The following SNTG2 variants were observed in gnomAD, a reference collection of about 807,000 sequenced individuals.
The protein encoded by SNTG2 is syntrophin gamma 2, also known as gamma-2-syntrophin.
In SNTG2, 74 loss-of-function variants were observed where a neutral mutation model predicts 70.9. The observed-to-expected ratio is 1.04, with a 90% CI of 0.86 to 1.27. The LOEUF (loss-of-function observed/expected upper bound fraction) is 1.27. Among genes scored for constraint, SNTG2 ranks in the 50% most tolerant of loss-of-function variants. SNTG2 has a pLI of 0.00. For missense variants in SNTG2, 717 were observed against 690.7 expected (o/e 1.04, Z -0.43); for synonymous variants, 278 against 273.8 (o/e 1.02, Z -0.15).
chr2:1,114,326 C>G (rs1458343346), intron 4 of SNTG2, among the ~76,000 whole-genome samples: 28 of 123,584 alleles, frequency 2.3e-4, no homozygotes, highest in African/African-American at 3.8e-4. Flanking sequence ...TGTGTACTAA[C>G]TGAGGTTCAA....
At chr2:1,261,376 T>C (rs1442643024) in intron 13 of SNTG2, among the ~76,000 whole-genome samples, 1 of 152,252 alleles carries the variant, frequency 6.6e-6, no homozygotes, top group Non-Finnish European at 1.5e-5. Context: ...CATTTCAAAG[T>C]ACACTCATTA....
intron 1 of SNTG2, among the ~76,000 whole-genome samples, chr2:1,080,817 G>A (rs1030130661): frequency 6.6e-6 from 1 of 152,126 alleles, no homozygotes; most frequent in Non-Finnish European, 1.5e-5. Context: ...TTCCTGGGTG[G>A]TGGCATGAGA....
intron 9 of SNTG2, among the ~76,000 whole-genome samples, chr2:1,230,467 A>G (rs928919858): frequency 7.9e-5 from 12 of 152,140 alleles, no homozygotes; most frequent in African/African-American, 2.9e-4. Context: ...GCGAAGTCCC[A>G]TTGTGATCAC....
chr2:1,154,288 C>T (rs528065298), intron 6 of SNTG2, among the ~76,000 whole-genome samples: 18 of 152,194 alleles, frequency 1.2e-4, no homozygotes, highest in African/African-American at 3.9e-4. Context: ...CTGGCACGGG[C>T]GTGGAGATGG....
chr2:1,282,568 A>G (rs1424467128), intron 14 of SNTG2, among the ~76,000 whole-genome samples: 1 of 152,222 alleles, frequency 6.6e-6, no homozygotes, highest in African/African-American at 2.4e-5. Context: ...TCTACCAAAC[A>G]GGGGAATCCA....
chr2:978,066 T>A (rs1558290067), intron 1 of SNTG2, among the ~76,000 whole-genome samples: 2 of 152,256 alleles, frequency 1.3e-5, no homozygotes, highest in South Asian at 4.1e-4. Context: ...TGTGACCCCA[T>A]TGAAGCATGG....
Position 1,227,854 on chromosome 2 carries a change from C to T in SNTG2, c.720-10034C>T, listed in dbSNP as rs138378292. Among the ~76,000 whole-genome samples the T allele has an allele frequency of 8.0e-3, 1,226 of 152,306 alleles. 6 individuals are homozygous for T. The highest frequency in any genetic ancestry group is 0.031 in the Middle Eastern group (9 of 294). On this transcript the variant is annotated intron_variant, in intron 9 of 16. Transcript: ENST00000308624. ...CTATTAAAGTTCTGCTGGGTGTAAG[C>T]GAGGGCACTTTGCTGCATTCTGTGG...
chr2:1,238,003 C>T lies in SNTG2; in HGVS notation c.835C>T (p.Leu279=). 1 of 1,610,254 alleles carries T rather than the reference C, an allele frequency of 6.2e-7. No homozygotes were observed. The highest frequency in any genetic ancestry group is 8.5e-7 in the Non-Finnish European group (1 of 1,178,600). Residue 279 remains leucine (L), a synonymous_variant, in exon 10 of 17, where the codon CTG becomes TTG. Transcript: ENST00000308624. ...GGCGGTCTCAGCCAACATCAGGGAG[C>T]TGACACTTCAGAACGTGAGCACACG... is the stretch of plus-strand genomic sequence containing the variant. ...LRAVSANIRE[L]TLQNMKMANK... is the part of the protein sequence containing the mutation.
intron 1 of SNTG2, among the ~76,000 whole-genome samples, chr2:987,864 C>T (rs58086319): frequency 0.38 from 57,564 of 151,880 alleles, 11,527 homozygotes; most frequent in Middle Eastern, 0.52. Flanking sequence ...AGGAAGGCCG[C>T]GCAGCCTTGC....
At chr2:1,320,359 C>A (rs1558205374) in intron 16 of SNTG2, among the ~76,000 whole-genome samples, 1 of 151,516 alleles carries the variant, frequency 6.6e-6, no homozygotes, top group Non-Finnish European at 1.5e-5. Flanking sequence ...ACAGTGAAAC[C>A]ATCTTTACTA....
intron 1 of SNTG2, among the ~76,000 whole-genome samples, chr2:1,053,979 C>T (rs1291369633): frequency 6.7e-6 from 1 of 148,906 alleles, no homozygotes; most frequent in Non-Finnish European, 1.5e-5. Context: ...GTTCCCTCCT[C>T]CCTCTGCAGG....
intron 1 of SNTG2, among the ~76,000 whole-genome samples, chr2:1,070,477 C>G (rs1270954838): frequency 6.6e-6 from 1 of 152,114 alleles, no homozygotes; most frequent in Non-Finnish European, 1.5e-5. Flanking sequence ...AGCAGAGTTT[C>G]CGACATAATA....
chr2:1,251,701 C>A (rs1272803704), intron 12 of SNTG2, among the ~76,000 whole-genome samples: 3 of 148,174 alleles, frequency 2.0e-5, no homozygotes, highest in South Asian at 2.2e-4. Flanking sequence ...ACACCATGCA[C>A]ACCACACACA....
intron 4 of SNTG2, among the ~76,000 whole-genome samples, chr2:1,099,776 C>T (rs1463708865): frequency 6.6e-6 from 1 of 152,046 alleles, no homozygotes; most frequent in Non-Finnish European, 1.5e-5. Flanking sequence ...GGATTCCCCA[C>T]AGCAGCTGTG....
intron 16 of SNTG2, among the ~76,000 whole-genome samples, chr2:1,365,970 C>G (rs4516475): frequency 0.72 from 109,556 of 151,876 alleles, 39,809 homozygotes; most frequent in East Asian, 0.94. Flanking sequence ...TCCACCCCCT[C>G]ATTCTGCCAT....
At chr2:1,271,504 T>C (rs1679018145) in intron 14 of SNTG2, among the ~76,000 whole-genome samples, 1 of 152,068 alleles carries the variant, frequency 6.6e-6, no homozygotes, top group East Asian at 1.9e-4. Flanking sequence ...GTATAAAATA[T>C]CTATCAGATA....
chr2:1,223,502 T>C (rs1675507490), intron 9 of SNTG2, among the ~76,000 whole-genome samples: 1 of 152,210 alleles, frequency 6.6e-6, no homozygotes, highest in Non-Finnish European at 1.5e-5. Context: ...ATCCCTGTGC[T>C]CCTAGCCCCA....
At chr2:1,220,450 G>T (rs557669105) in intron 9 of SNTG2, among the ~76,000 whole-genome samples, 2 of 152,160 alleles carry the variant, frequency 1.3e-5, no homozygotes, top group Admixed American at 1.3e-4. Context: ...ACGGCATGTC[G>T]TGTGTCCCCT....
chr2:1,208,772 T>C (rs1331740206), intron 8 of SNTG2, among the ~76,000 whole-genome samples: 2 of 152,088 alleles, frequency 1.3e-5, no homozygotes, highest in African/African-American at 4.8e-5. Context: ...TTGTTTTGGT[T>C]TTGCGTCTTT....
Sources: gnomAD v4.1 joint callset for allele counts (sites outside exome capture counted in the v4.1 genomes callset) on GRCh38, gnomAD v4.1.1 for gene constraint, MANE v1.5 for transcripts, NCBI Gene and HGNC (gene_info 2026-07-23, HGNC 2026-07-21) for gene names.